Variants in GTF2IRD1 observed in about 807,000 individuals in gnomAD.
GTF2IRD1 encodes general transcription factor II-I repeat domain-containing protein 1.
Under a neutral mutation model 113.2 loss-of-function variants are expected in GTF2IRD1, and 26 were observed. The ratio of observed to expected loss-of-function variants is 0.23; its 90% CI spans 0.17 to 0.32. The LOEUF is 0.32. Ranked by LOEUF, GTF2IRD1 falls within the 10% of genes least tolerant of loss-of-function variation. The pLI, the probability that GTF2IRD1 is intolerant of heterozygous loss-of-function variation, is 1.00. For missense variants in GTF2IRD1, 864 were observed against 1,280.8 expected (o/e 0.67, Z 4.97); for synonymous variants, 484 against 529.1 (o/e 0.91, Z 1.17).
chr7:74,528,313 C>T (rs782493908), intron 8 of GTF2IRD1, among the ~76,000 whole-genome samples: 2 of 152,136 alleles, frequency 1.3e-5, no homozygotes, highest in Non-Finnish European at 1.5e-5. Context: ...TGGACTCAAG[C>T]GATCCTCCAG....
At chr7:74,530,168 C>G (rs587742105) in intron 9 of GTF2IRD1, among the ~76,000 whole-genome samples, 7 of 151,416 alleles carry the variant, frequency 4.6e-5, no homozygotes, top group Non-Finnish European at 1.0e-4. Context: ...CAAGATCATG[C>G]CACTGCACTC....
At chr7:74,503,521 G>A (rs2129913716) in intron 1 of GTF2IRD1, among the ~76,000 whole-genome samples, 1 of 152,176 alleles carries the variant, frequency 6.6e-6, no homozygotes, top group South Asian at 2.1e-4. Flanking sequence ...GGCCAAGGTG[G>A]GCAGATCACT....
At chr7:74,542,679 G>A (rs191812181) in intron 14 of GTF2IRD1, among the ~76,000 whole-genome samples, 2 of 152,352 alleles carry the variant, frequency 1.3e-5, no homozygotes, top group Non-Finnish European at 1.5e-5. Flanking sequence ...AGTCTGTGGC[G>A]TAGCTATCCA....
rs1456037997 is a variant in GTF2IRD1 at position 74,575,178 on chromosome 7, C to CA, written c.2321-14672dup. Among the ~76,000 whole-genome samples, 30 of 152,122 alleles carry CA rather than the reference C, an allele frequency of 2.0e-4. 1 individual carries two copies. The highest frequency in any genetic ancestry group is 5.9e-4 in the Admixed American group (9 of 15,256). On this transcript the variant is annotated intron_variant, in intron 22 of 26. Coordinates refer to ENST00000424337, the MANE Select transcript of GTF2IRD1 (RefSeq NM_005685.4). Reference sequence around the variant, plus strand: ...AACAGAAAATCTGCAAAGCGTAAACCATGGGAGCAATTGTATTTATTTTTA... The same window carrying CA: ...AACAGAAAATCTGCAAAGCGTAAACCAATGGGAGCAATTGTATTTATTTTTA...
chr7:74,458,773 G>A (rs1554328175), intron 1 of GTF2IRD1, among the ~76,000 whole-genome samples: 1 of 151,758 alleles, frequency 6.6e-6, no homozygotes, highest in African/African-American at 2.4e-5. Context: ...TCGTGCCTCA[G>A]CCTCCCGAGT....
At chr7:74,477,573 A>G (rs894178422) in intron 1 of GTF2IRD1, among the ~76,000 whole-genome samples, 1 of 152,150 alleles carries the variant, frequency 6.6e-6, no homozygotes, top group African/African-American at 2.4e-5. Flanking sequence ...CTTCTAGCCC[A>G]GGTTCTCCAT....
chr7:74,467,264 ATCCCAGCTCTCG>A (rs1188184787), intron 1 of GTF2IRD1, among the ~76,000 whole-genome samples: 2 of 151,172 alleles, frequency 1.3e-5, no homozygotes, highest in African/African-American at 4.9e-5. Context: ...CCATCCTTCA[ATCCCAGCTCTCG>A]TTGGCGCTCC....
intron 13 of GTF2IRD1, among the ~76,000 whole-genome samples, chr7:74,539,232 G>A (rs1477224704): frequency 6.6e-6 from 1 of 152,160 alleles, no homozygotes; most frequent in Non-Finnish European, 1.5e-5. Context: ...GATGGCTTGA[G>A]GCCAGGAGTT....
In GTF2IRD1 at chr7:74,601,165, C is replaced by T. The variant is rs1802744927; in HGVS notation, c.2751C>T (p.Asn917=). The part of the protein sequence containing the change: ...SSNPDSVASA[N]QISLVQWPMY... The stretch of plus-strand genomic sequence containing the variant: ...ACCCGGATTCAGTGGCATCGGCCAA[C>T]CAGATCTCACTCGTGGTAAAGTTGC... The change falls in exon 26 of 27, where the codon AAC becomes AAT. Residue 917 remains asparagine (N), a synonymous_variant. Transcript: ENST00000424337. The T allele has an allele frequency of 9.4e-6, 15 of 1,597,204 alleles. No individual in the cohort carries two copies. The highest frequency in any genetic ancestry group is 1.3e-5 in the African/African-American group (1 of 74,600).
At chr7:74,529,105 T>C (rs1554348033) in intron 8 of GTF2IRD1, among the ~76,000 whole-genome samples, 2 of 151,848 alleles carry the variant, frequency 1.3e-5, no homozygotes, top group Non-Finnish European at 2.9e-5. Context: ...ACCGAGTGTA[T>C]GCTCCTGGCC....
chr7:74,564,274 G>A (rs1554359971), intron 22 of GTF2IRD1, among the ~76,000 whole-genome samples: 1 of 152,134 alleles, frequency 6.6e-6, no homozygotes, highest in African/African-American at 2.4e-5. Context: ...TGATCAGCCC[G>A]CCTCAGCCTC....
At chr7:74,590,784 A>C in intron 23 of GTF2IRD1, 41 bp from the exon 24 acceptor site, 5 of 1,397,406 alleles carry the variant, frequency 3.6e-6, no homozygotes, top group Non-Finnish European at 4.9e-6. Flanking sequence ...TGCCATTGAC[A>C]GGAGACATCT....
At chr7:74,529,316 T>G (rs1479034045) in intron 8 of GTF2IRD1, among the ~76,000 whole-genome samples, 1 of 152,120 alleles carries the variant, frequency 6.6e-6, no homozygotes, top group African/African-American at 2.4e-5. Context: ...TGCAGTGGCA[T>G]GATCTTGGCT....
intron 17 of GTF2IRD1, among the ~76,000 whole-genome samples, chr7:74,551,942 T>A (rs1402237398): frequency 6.6e-6 from 1 of 151,558 alleles, no homozygotes; most frequent in African/African-American, 2.4e-5. Context: ...TCTCAAAAAA[T>A]AAATAAATAA....
intron 22 of GTF2IRD1, among the ~76,000 whole-genome samples, chr7:74,570,771 C>CA (rs1800653983): frequency 6.6e-6 from 1 of 152,194 alleles, no homozygotes; most frequent in Non-Finnish European, 1.5e-5. Context: ...AGCTGCCACT[C>CA]ACTAGAGAGG....
intron 17 of GTF2IRD1, among the ~76,000 whole-genome samples, chr7:74,553,790 C>CAGCTTCTGCCT (rs1799449511): frequency 6.6e-6 from 1 of 152,154 alleles, no homozygotes; most frequent in Admixed American, 6.6e-5. Flanking sequence ...GGGCTCTGCC[C>CAGCTTCTGCCT]AGCTTCTGCC....
intron 1 of GTF2IRD1, among the ~76,000 whole-genome samples, chr7:74,455,079 G>C (rs1792876085): frequency 6.6e-6 from 1 of 152,170 alleles, no homozygotes; most frequent in Non-Finnish European, 1.5e-5. Context: ...GAGGGGGCTG[G>C]AGCTCTGGCG....
intron 19 of GTF2IRD1, among the ~76,000 whole-genome samples, chr7:74,556,784 T>C (rs868935986): frequency 0.042 from 4,855 of 116,282 alleles, 2 homozygotes; most frequent in Non-Finnish European, 0.047. Context: ...CCACCATGCC[T>C]GGCTAATTTT....
rs535820430 is a variant in GTF2IRD1 at position 74,496,300 on chromosome 7, ATG to A, written c.-6-11768_-6-11767del. 2.3e-3 allele frequency among the ~76,000 whole-genome samples: 239 copies of A among 106,046 alleles called. 2 individuals are homozygous for A. Among genetic ancestry groups the A allele is most frequent in the Middle Eastern group, 7.7e-3 (1 of 130 alleles). The allele number at this position is 106,046 out of a possible 152,430, so 69.6% of individuals were successfully genotyped here. A position where few individuals can be genotyped will look rare whatever the true frequency, so the allele number is the denominator to read the frequency against. On this transcript the variant is annotated intron_variant, in intron 1 of 26. Transcript: ENST00000424337. Reference sequence around the variant, plus strand: ...GGTATGCGTGTGTATGTGGGTGTGCATGTGTGTGGGGGTGGGGGTGTGCATGG... The same window carrying A: ...GGTATGCGTGTGTATGTGGGTGTGCATGTGTGGGGGTGGGGGTGTGCATGG...
Sources: gnomAD v4.1 joint callset for allele counts (sites outside exome capture counted in the v4.1 genomes callset) on GRCh38, gnomAD v4.1.1 for gene constraint, MANE v1.5 for transcripts, NCBI Gene and HGNC (gene_info 2026-07-23, HGNC 2026-07-21) for gene names.